The following DDX10 variants were observed in gnomAD, a reference collection of about 807,000 sequenced individuals.
DDX10 encodes DEAD-box helicase 10.
A neutral mutation model predicts 104.3 loss-of-function variants in DDX10; 74 were observed. The observed-to-expected ratio is 0.71, with a 90% CI of 0.59 to 0.86. The LOEUF (loss-of-function observed/expected upper bound fraction) is 0.86, where lower values mean the gene tolerates loss of function less well. DDX10 is among the 40% of genes least tolerant of loss of function. DDX10 has a pLI of 0.00. For missense variants in DDX10, 952 were observed against 1,040.0 expected, an observed-to-expected ratio of 0.92 and a Z score of 1.16; for synonymous variants, 351 against 353.4, an observed-to-expected ratio of 0.99 and a Z score of 0.08.
chr11:108,676,652 G>T (rs2094225581), intron 3 of DDX10, among the ~76,000 whole-genome samples: 1 of 152,078 alleles, frequency 6.6e-6, no homozygotes, highest in Non-Finnish European at 1.5e-5. Context: ...TCATCATATT[G>T]GTCAGGCTGG....
At chr11:108,730,458 A>G (rs2094310682) in intron 13 of DDX10, among the ~76,000 whole-genome samples, 1 of 152,236 alleles carries the variant, frequency 6.6e-6, no homozygotes, top group African/African-American at 2.4e-5. Context: ...GTGTGTTTTC[A>G]GGGCCTGGTA....
intron 16 of DDX10, among the ~76,000 whole-genome samples, chr11:108,883,733 A>G (rs527784058): frequency 6.6e-6 from 1 of 152,256 alleles, no homozygotes; most frequent in East Asian, 1.9e-4. Context: ...GTCTTTTCAC[A>G]ATCAGCAGCA....
chr11:108,884,373 C>T (rs541013713), intron 16 of DDX10, among the ~76,000 whole-genome samples: 8 of 152,250 alleles, frequency 5.3e-5, no homozygotes, highest in Admixed American at 5.2e-4. Context: ...GCTTGTTCTC[C>T]CCCAGTCTAC....
chr11:108,837,918 C>T lies in DDX10; in HGVS notation c.1966-528C>T, dbSNP rs907876609. ...GATTACAGGCGTGAGCCACCATGCT[C>T]GGCCTGGACACAGTTTAATTGTCAT... On this transcript the variant is annotated intron_variant, in intron 13 of 17. Coordinates refer to ENST00000322536, the MANE Select transcript of DDX10 (RefSeq NM_004398.4). Among the ~76,000 whole-genome samples the T allele has an allele frequency of 6.6e-5, 10 of 152,200 alleles. No homozygotes were observed. The South Asian group carries it at 1.5e-3, about 22-fold the overall frequency.
At chr11:108,817,352 A>C (rs1430167872) in intron 13 of DDX10, among the ~76,000 whole-genome samples, 5 of 152,070 alleles carry the variant, frequency 3.3e-5, no homozygotes, top group African/African-American at 1.2e-4. Context: ...CAACAAACTC[A>C]TTTCCATTTA....
chr11:108,850,591 T>C (rs1389086749), intron 15 of DDX10, among the ~76,000 whole-genome samples: 1 of 152,108 alleles, frequency 6.6e-6, no homozygotes, highest in African/African-American at 2.4e-5. Context: ...ATTAATTGAG[T>C]AATGTTGTAA....
chr11:108,686,518 C>A (rs2094244341), intron 6 of DDX10, among the ~76,000 whole-genome samples: 1 of 152,124 alleles, frequency 6.6e-6, no homozygotes, highest in Non-Finnish European at 1.5e-5. Flanking sequence ...GTTGCTTTCA[C>A]TTAATATTAC....
At position 108,791,017 on chromosome 11, in the gene DDX10, G is replaced by C. The variant is rs149740902; in HGVS notation, c.1966-47429G>C. 1.6e-4 allele frequency among the ~76,000 whole-genome samples: 24 copies of C among 152,324 alleles called. No individual in the cohort carries two copies. In the East Asian group the frequency reaches 3.3e-3, roughly 21 times the overall value. ...ACATTCTACTTTATAATGTGGTTTT[G>C]ATATTCTTCCCACAACGAGGTGGAG... On this transcript the variant is annotated intron_variant, in intron 13 of 17. Transcript: ENST00000322536.
intron 16 of DDX10, among the ~76,000 whole-genome samples, chr11:108,906,803 T>G (rs7103209): frequency 0.052 from 7,934 of 152,260 alleles, 231 homozygotes; most frequent in South Asian, 0.088. Context: ...CTGTGAAATA[T>G]TCATATATTA....
At chr11:108,666,163 A>G (rs1466187152) in intron 1 of DDX10, among the ~76,000 whole-genome samples, 2 of 152,194 alleles carry the variant, frequency 1.3e-5, no homozygotes, top group East Asian at 3.8e-4. Flanking sequence ...CTTCTAGTGC[A>G]GTACAATCAG....
At chr11:108,815,329 T>C (rs892944429) in intron 13 of DDX10, among the ~76,000 whole-genome samples, 1 of 152,122 alleles carries the variant, frequency 6.6e-6, no homozygotes, top group African/African-American at 2.4e-5. Context: ...TAGGGAAAGC[T>C]GTCAAGTGAG....
At chr11:108,665,379 A>T in intron 1 of DDX10, 40 bp downstream of exon 1, 3 of 1,513,918 alleles carry the variant, frequency 2.0e-6, no homozygotes, top group Non-Finnish European at 2.7e-6. Context: ...GCCGGCCAGC[A>T]GCGGGGCAGC....
At chr11:108,825,063 G>C (rs534123599) in intron 13 of DDX10, among the ~76,000 whole-genome samples, 2 of 152,300 alleles carry the variant, frequency 1.3e-5, no homozygotes, top group East Asian at 3.9e-4. Flanking sequence ...AAGTCAGATA[G>C]GGGTTGGGTG....
chr11:108,856,380 G>A (rs941023328), intron 16 of DDX10, among the ~76,000 whole-genome samples: 1 of 151,858 alleles, frequency 6.6e-6, no homozygotes, highest in Non-Finnish European at 1.5e-5. Context: ...GCAGTGAGCC[G>A]AGATTACGCC....
chr11:108,676,519 C>T (rs540207856), intron 3 of DDX10, among the ~76,000 whole-genome samples: 1 of 152,176 alleles, frequency 6.6e-6, no homozygotes, highest in African/African-American at 2.4e-5. Flanking sequence ...AATCTTGGCT[C>T]ACTGCAACCT....
chr11:108,694,253 G>A (rs183699306), intron 9 of DDX10, among the ~76,000 whole-genome samples: 1 of 152,162 alleles, frequency 6.6e-6, no homozygotes, highest in Admixed American at 6.5e-5. Flanking sequence ...GATAGAGGGG[G>A]GACTACTTAC....
chr11:108,689,730 C>T (rs568074925), intron 7 of DDX10, among the ~76,000 whole-genome samples: 2 of 152,328 alleles, frequency 1.3e-5, no homozygotes, highest in Non-Finnish European at 2.9e-5. Flanking sequence ...TGTGTGCGTG[C>T]GTGTGCCTCT....
chr11:108,721,146 C>T (rs946585690), intron 12 of DDX10, among the ~76,000 whole-genome samples: 2 of 152,126 alleles, frequency 1.3e-5, no homozygotes. Context: ...CTAACTACAA[C>T]ATATATCTAA....
At chr11:108,666,213 A>T (rs1351280061) in intron 1 of DDX10, among the ~76,000 whole-genome samples, 1 of 152,184 alleles carries the variant, frequency 6.6e-6, no homozygotes, top group Non-Finnish European at 1.5e-5. Flanking sequence ...TAAGGTTGCC[A>T]TTGTAACAAA....
Sources: allele counts gnomAD v4.1 joint callset (sites outside exome capture counted in the v4.1 genomes callset), GRCh38; gene constraint gnomAD v4.1.1; transcripts MANE v1.5; gene names NCBI Gene and HGNC (gene_info 2026-07-23, HGNC 2026-07-21).